Variants in CCDC69 observed in about 807,000 individuals in gnomAD.
CCDC69 encodes the protein coiled-coil domain containing 69.
In CCDC69, 38 loss-of-function variants were observed where a neutral mutation model predicts 40.3. The ratio of observed to expected loss-of-function variants is 0.94; its 90% CI spans 0.73 to 1.24. The LOEUF is 1.24. Among genes scored for constraint, CCDC69 ranks in the 50% most tolerant of loss-of-function variants. The pLI, the probability that CCDC69 is intolerant of heterozygous loss-of-function variation, is 0.00. For synonymous variants in CCDC69, 141 were observed against 138.9 expected (o/e 1.02, Z -0.11); for missense variants, 389 against 357.9 (o/e 1.09, Z -0.70).
intron 3 of CCDC69, among the ~76,000 whole-genome samples, chr5:151,199,492 C>T (rs1331683945): frequency 6.6e-6 from 1 of 152,070 alleles, no homozygotes; most frequent in Non-Finnish European, 1.5e-5. Flanking sequence ...CCCAGGCAGC[C>T]CCTCAGAGAT....
chr5:151,213,995 C>T (rs1342553750), intron 1 of CCDC69, among the ~76,000 whole-genome samples: 1 of 152,196 alleles, frequency 6.6e-6, no homozygotes, highest in Non-Finnish European at 1.5e-5. Flanking sequence ...CCAATCCCCA[C>T]CTCCTTTTTC....
rs1454281433 is a variant in CCDC69, at chr5:151,203,190, C to T, written c.125-1502G>A. On this transcript the variant is annotated intron_variant, in intron 2 of 8. Transcript: ENST00000355417. ...TTCCACAGCAAATACTCCTAACTAC[C>T]ACCTTATCCTGCTTGCTTGTGCACA... Among the ~76,000 whole-genome samples, 4 of 152,084 alleles carry T rather than the reference C, an allele frequency of 2.6e-5. No homozygotes were observed. In the East Asian group the frequency reaches 7.7e-4, roughly 29 times the overall value.
intron 2 of CCDC69, among the ~76,000 whole-genome samples, chr5:151,204,846 T>C (rs1752830254): frequency 6.6e-6 from 1 of 152,178 alleles, no homozygotes; most frequent in South Asian, 2.1e-4. Flanking sequence ...TTATTTTATA[T>C]ATATGTATAT....
chr5:151,194,085 G>A (rs1446192133), intron 4 of CCDC69, among the ~76,000 whole-genome samples: 1 of 152,158 alleles, frequency 6.6e-6, no homozygotes, highest in Non-Finnish European at 1.5e-5. Context: ...AAGTAGCAAC[G>A]GTATAACTCA....
chr5:151,193,582 AAG>A lies in CCDC69; in HGVS notation c.319+5413_319+5414del, dbSNP rs1229354877. Among the ~76,000 whole-genome samples, 6 of 151,802 alleles carry A rather than the reference AAG, an allele frequency of 4.0e-5. 1 individual carries two copies. Among genetic ancestry groups the A allele is most frequent in the East Asian group, 1.9e-4 (1 of 5,174 alleles). On this transcript the variant is annotated intron_variant, in intron 4 of 8. Transcript: ENST00000355417. The stretch of plus-strand genomic sequence containing the variant: ...AGGGAAAAAAGAGGAAGAAAGAAGA[AAG>A]AGAGAGAGAAAGAAAGACCACATGA...
rs1384800275 is a variant in CCDC69, at chr5:151,215,787, T to C, written c.48+8136A>G. On this transcript the variant is annotated intron_variant, in intron 1 of 8. Coordinates refer to ENST00000355417, the MANE Select transcript of CCDC69 (RefSeq NM_015621.3). ...GTGAACAGAAATAAGTACCCATTAG[T>C]GAGGACAAGGAGGATGCACAGGATG... The C allele has an allele frequency of 2.5e-5, 6 of 244,348 alleles. No homozygotes were observed. In the Admixed American group the frequency reaches 2.6e-4, roughly 11 times the overall value. 15.1% of individuals were successfully genotyped at this position (244,348 alleles called of 1,614,324 possible). A position where few individuals can be genotyped will look rare whatever the true frequency, so the allele number is the denominator to read the frequency against.
intron 2 of CCDC69, among the ~76,000 whole-genome samples, chr5:151,203,025 C>G (rs1413238703): frequency 2.6e-5 from 4 of 152,184 alleles, no homozygotes; most frequent in Admixed American, 1.3e-4. Context: ...CTGCTCCTCA[C>G]AGCTACCCTA....
chr5:151,202,981 G>GTGCCT (rs1752797401), intron 2 of CCDC69, among the ~76,000 whole-genome samples: 8 of 152,084 alleles, frequency 5.3e-5, no homozygotes, highest in Non-Finnish European at 1.0e-4. Context: ...AACATGTCCA[G>GTGCCT]CACTGTTCCA....
At chr5:151,193,399 C>G (rs1312337276) in intron 4 of CCDC69, among the ~76,000 whole-genome samples, 1 of 150,996 alleles carries the variant, frequency 6.6e-6, no homozygotes, top group Non-Finnish European at 1.5e-5. Context: ...CACTATAGTC[C>G]CAACTACTTG....
intron 2 of CCDC69, among the ~76,000 whole-genome samples, chr5:151,204,664 T>C (rs546540908): frequency 1.3e-5 from 2 of 152,340 alleles, no homozygotes; most frequent in South Asian, 2.1e-4. Flanking sequence ...TATGGCAACA[T>C]ATATTTTTTT....
At chr5:151,215,845 C>T (rs1044066806) in intron 1 of CCDC69, among the ~76,000 whole-genome samples, 3 of 152,186 alleles carry the variant, frequency 2.0e-5, no homozygotes, top group African/African-American at 7.2e-5. Flanking sequence ...TAGGGAAATG[C>T]TGTAAACTGA....
chr5:151,203,356 A>C (rs1437998930), intron 2 of CCDC69, among the ~76,000 whole-genome samples: 1 of 151,404 alleles, frequency 6.6e-6, no homozygotes, highest in Non-Finnish European at 1.5e-5. Flanking sequence ...AAAATACAAA[A>C]AAATTTAGGT....
In CCDC69 at chr5:151,199,007, C is replaced by G. The variant is rs923035732; in HGVS notation, c.309G>C (p.Glu103Asp). Residue 103 changes from glutamate (E) to aspartate (D), a missense_variant, in exon 4 of 9, where the codon GAG becomes GAC. Glu to Asp is a conservative substitution (Grantham distance 45, BLOSUM62 2). Transcript: ENST00000355417. ...QQRVLEGKNE[E>D]ALQVLRASYE... Reference sequence around the variant, plus strand: ...CATCTCTACCCTTACCTTGCAGGGCCTCTTCATTCTTTCCTTCCAGGACCC... The same window carrying G: ...CATCTCTACCCTTACCTTGCAGGGCGTCTTCATTCTTTCCTTCCAGGACCC... The G allele has an allele frequency of 1.2e-6, 2 of 1,613,816 alleles. No individual in the cohort carries two copies. Among genetic ancestry groups the G allele is most frequent in the African/African-American group, 2.7e-5 (2 of 74,914 alleles).
intron 2 of CCDC69, 57 bp from the exon 3 acceptor site, chr5:151,201,745 G>A: frequency 8.9e-7 from 1 of 1,125,608 alleles, no homozygotes. Context: ...TGGAAGTACA[G>A]TCAGAGCTGG....
At chr5:151,220,608 C>T (rs1215671179) in intron 1 of CCDC69, among the ~76,000 whole-genome samples, 1 of 152,226 alleles carries the variant, frequency 6.6e-6, no homozygotes, top group Non-Finnish European at 1.5e-5. Flanking sequence ...GACTGACCCA[C>T]CAAGTACCTG....
chr5:151,219,984 A>G (rs534556095), intron 1 of CCDC69, among the ~76,000 whole-genome samples: 1 of 151,960 alleles, frequency 6.6e-6, no homozygotes, highest in East Asian at 1.9e-4. Flanking sequence ...AGCCTCCCCT[A>G]CTGGCCACTG....
At chr5:151,214,658 A>C (rs1302273904) in intron 1 of CCDC69, among the ~76,000 whole-genome samples, 1 of 152,178 alleles carries the variant, frequency 6.6e-6, no homozygotes, top group African/African-American at 2.4e-5. Flanking sequence ...TAAAGTTAGA[A>C]GTGCCAGGCT....
rs1385894591 is a variant in CCDC69, at chr5:151,182,931, T to A, written c.*506A>T. On this transcript the variant is annotated 3_prime_UTR_variant, in exon 9 of 9. Transcript: ENST00000355417. ...CTCTGGCCTTCAGACAATCCTAGAATGGGACACTGCAGTGACATAAGAGTC... is the reference window on the plus strand; with the variant it reads ...CTCTGGCCTTCAGACAATCCTAGAAAGGGACACTGCAGTGACATAAGAGTC... 7.3e-6 allele frequency: 3 copies of A among 410,096 alleles called. No homozygotes were observed. Among genetic ancestry groups the A allele is most frequent in the African/African-American group, 6.2e-5 (3 of 48,778 alleles). The allele number at this position is 410,096 out of a possible 1,614,324, so 25.4% of individuals were successfully genotyped here.
intron 4 of CCDC69, 106 bp from the exon 5 acceptor site, chr5:151,187,565 A>G: frequency 1.2e-6 from 1 of 860,782 alleles, no homozygotes; most frequent in Non-Finnish European, 1.9e-6. Context: ...GGGCCCATAG[A>G]GGCCAGGAGT....
Sources: allele counts gnomAD v4.1 joint callset (sites outside exome capture counted in the v4.1 genomes callset), GRCh38; gene constraint gnomAD v4.1.1; transcripts MANE v1.5; gene names NCBI Gene and HGNC (gene_info 2026-07-23, HGNC 2026-07-21).